The following NT5DC3 variants were observed in gnomAD, a reference collection of about 807,000 sequenced individuals.
NT5DC3 encodes 5'-nucleotidase domain containing 3.
In NT5DC3, 42 loss-of-function variants were observed where a neutral mutation model predicts 67.8. That is an observed-to-expected ratio of 0.62 (90% CI 0.48 to 0.80). The LOEUF is 0.80. Among genes scored for constraint, NT5DC3 ranks in the 30% least tolerant of loss-of-function variants. The pLI is 0.00. For missense variants in NT5DC3, 570 were observed against 696.4 expected, an observed-to-expected ratio of 0.82 and a Z score of 2.04; for synonymous variants, 237 against 255.6, an observed-to-expected ratio of 0.93 and a Z score of 0.69.
chr12:103,759,287 T>C, the NT5DC3 span: 1 of 1,611,470 alleles, frequency 6.2e-7, no homozygotes, highest in Admixed American at 1.7e-5. Flanking sequence ...CAAAGTCTTC[T>C]GGGCTTCTTG....
chr12:103,794,496 T>C (rs943741939), intron 6 of NT5DC3, among the ~76,000 whole-genome samples: 10 of 152,212 alleles, frequency 6.6e-5, no homozygotes, highest in African/African-American at 2.4e-4. Context: ...AGCCAAAGTT[T>C]CCATGGTGAT....
intron 5 of NT5DC3, among the ~76,000 whole-genome samples, chr12:103,797,836 A>T (rs1223341521): frequency 1.3e-5 from 2 of 152,242 alleles, no homozygotes; most frequent in Non-Finnish European, 2.9e-5. Context: ...TGATAAACCC[A>T]CTGTAAAAGA....
chr12:103,765,592 C>A (rs1884885009), downstream of NT5DC3, among the ~76,000 whole-genome samples: 1 of 152,192 alleles, frequency 6.6e-6, no homozygotes, highest in Non-Finnish European at 1.5e-5. Flanking sequence ...TAGGCAGGGT[C>A]CTGGTGTGTC....
At chr12:103,748,119 T>G in the NT5DC3 span, among the ~76,000 whole-genome samples, 1 of 152,268 alleles carries the variant, frequency 6.6e-6, no homozygotes, top group African/African-American at 2.4e-5. Context: ...CACAGAGATA[T>G]ATACTTTCTT....
intron 10 of NT5DC3, among the ~76,000 whole-genome samples, chr12:103,788,316 C>A (rs1379388713): frequency 6.6e-6 from 1 of 152,184 alleles, no homozygotes; most frequent in Non-Finnish European, 1.5e-5. Context: ...TGTGGTGGTG[C>A]ATGCCTATGA....
chr12:103,765,967 T>C (rs1884925284), downstream of NT5DC3: 1 of 450,880 alleles, frequency 2.2e-6, no homozygotes, highest in South Asian at 1.9e-5. Context: ...TATACCTTGC[T>C]AAATGTAGGC....
the NT5DC3 span, among the ~76,000 whole-genome samples, chr12:103,748,658 A>T: frequency 9.9e-5 from 14 of 141,988 alleles, no homozygotes; most frequent in East Asian, 2.8e-3. Context: ...ACACACACAC[A>T]CTGTCCTAAC....
rs1439844106 is a variant in NT5DC3, at chr12:103,796,412, G to A, written c.753+482C>T. 5.3e-5 allele frequency among the ~76,000 whole-genome samples: 8 copies of A among 152,250 alleles called. No individual in the cohort carries two copies. The East Asian group carries it at 1.5e-3, about 29-fold the overall frequency. ...GGCGCCTGTAATCCCAGCTACTTGG[G>A]AGGCTGAGGCAGGAGAATCACTTGA... On this transcript the variant is annotated intron_variant, in intron 6 of 13. Coordinates refer to ENST00000392876, the MANE Select transcript of NT5DC3 (RefSeq NM_001031701.3).
intron 12 of NT5DC3, among the ~76,000 whole-genome samples, chr12:103,783,355 C>T (rs907006133): frequency 7.9e-5 from 12 of 152,162 alleles, no homozygotes; most frequent in Non-Finnish European, 1.5e-5. Flanking sequence ...TAGAGTCGGT[C>T]GGCCTGTGTG....
chr12:103,759,310 A>G, the NT5DC3 span: 1 of 1,606,288 alleles, frequency 6.2e-7, no homozygotes, highest in Non-Finnish European at 8.5e-7. Context: ...GGAACGGGAG[A>G]TAATGCATGC....
chr12:103,794,634 C>G (rs918445967), intron 6 of NT5DC3, among the ~76,000 whole-genome samples: 3 of 152,236 alleles, frequency 2.0e-5, no homozygotes, highest in Non-Finnish European at 4.4e-5. Flanking sequence ...TGATCCCTGG[C>G]CATCTGGACA....
At chr12:103,761,171 G>A in the NT5DC3 span, 2 of 750,374 alleles carry the variant, frequency 2.7e-6, no homozygotes, top group Non-Finnish European at 4.5e-6. Flanking sequence ...AGAAGTCCTG[G>A]GCTGCCTATC....
At chr12:103,762,364 C>T in the NT5DC3 span, 56 of 1,614,194 alleles carry the variant, frequency 3.5e-5, 1 homozygote, top group East Asian at 4.0e-4. Context: ...CTCCTACTTT[C>T]GGATAAACCG....
At chr12:103,794,056 T>G in intron 6 of NT5DC3, 59 bp from the exon 7 acceptor site, 1 of 1,346,740 alleles carries the variant, frequency 7.4e-7, no homozygotes, top group Admixed American at 1.7e-5. Context: ...TGAGTAACAG[T>G]ACAAGTGAAA....
the NT5DC3 span, among the ~76,000 whole-genome samples, chr12:103,749,941 G>T: frequency 6.6e-6 from 1 of 150,712 alleles, no homozygotes; most frequent in Admixed American, 6.6e-5. Flanking sequence ...TGGTTATAAA[G>T]GTGGTTCTAG....
chr12:103,832,068 C>T (rs1242220171), intron 1 of NT5DC3, among the ~76,000 whole-genome samples: 1 of 152,130 alleles, frequency 6.6e-6, no homozygotes, highest in Non-Finnish European at 1.5e-5. Context: ...TGAGCCACCA[C>T]GCCTGGCCTC....
chr12:103,760,079 TCTA>T, the NT5DC3 span, among the ~76,000 whole-genome samples: 1 of 152,212 alleles, frequency 6.6e-6, no homozygotes, highest in South Asian at 2.1e-4. Flanking sequence ...CATTTCGTCA[TCTA>T]CTCCCAGTCT....
At chr12:103,765,502 A>G (rs1186195114), downstream of NT5DC3, among the ~76,000 whole-genome samples, 1 of 152,206 alleles carries the variant, frequency 6.6e-6, no homozygotes, top group Non-Finnish European at 1.5e-5. Flanking sequence ...CTATTATGCT[A>G]ATTGACAAAG....
At chr12:103,818,244 C>A (rs1041584582) in intron 1 of NT5DC3, among the ~76,000 whole-genome samples, 1 of 152,186 alleles carries the variant, frequency 6.6e-6, no homozygotes, top group Non-Finnish European at 1.5e-5. Context: ...CATGTATGAA[C>A]CAATAAATTA....
Sources: gnomAD v4.1 joint callset for allele counts (sites outside exome capture counted in the v4.1 genomes callset) on GRCh38, gnomAD v4.1.1 for gene constraint, MANE v1.5 for transcripts, NCBI Gene and HGNC (gene_info 2026-07-23, HGNC 2026-07-21) for gene names.